Variants in CDC25A observed in about 807,000 individuals in gnomAD.
CDC25A encodes cell division cycle 25A.
A neutral mutation model predicts 64.6 loss-of-function variants in CDC25A; 17 were observed. That is an observed-to-expected ratio of 0.26 (90% CI 0.18 to 0.39). The LOEUF (loss-of-function observed/expected upper bound fraction) is 0.39, where lower values mean the gene tolerates loss of function less well. Ranked by LOEUF, CDC25A falls within the 10% of genes least tolerant of loss-of-function variation. CDC25A has a pLI of 1.00. For synonymous variants in CDC25A, 229 were observed against 238.6 expected (o/e 0.96, Z 0.37); for missense variants, 473 against 654.8 (o/e 0.72, Z 3.03).
chr3:48,181,779 A>G, intron 5 of CDC25A: 2 of 633,428 alleles, frequency 3.2e-6, no homozygotes, highest in Non-Finnish European at 5.7e-6. Context: ...GAGAAATAAA[A>G]CCATGAAGAA....
chr3:48,166,795 T>C (rs577020233), intron 10 of CDC25A, among the ~76,000 whole-genome samples: 4 of 152,288 alleles, frequency 2.6e-5, no homozygotes, highest in African/African-American at 4.8e-5. Flanking sequence ...TCCCAGCTAC[T>C]TGGGAGGCTG....
rs746808606 is a variant in CDC25A, at chr3:48,165,633, T to C, written c.1191+3A>G. The C allele has an allele frequency of 2.8e-5, 45 of 1,602,252 alleles. No individual in the cohort carries two copies. Among genetic ancestry groups the C allele is most frequent in the Non-Finnish European group, 3.8e-5 (44 of 1,169,406 alleles). On this transcript the variant is annotated splice_donor_region_variant and intron_variant, in intron 12 of 14. Coordinates refer to ENST00000302506, the MANE Select transcript of CDC25A (RefSeq NM_001789.3). ...TTCTACAGCAAGTCTCAGGAATCCA[T>C]ACCTTGATGTGGCCTCCCTCGTATT...
At chr3:48,176,737 G>A (rs1286713904) in intron 8 of CDC25A, among the ~76,000 whole-genome samples, 4 of 151,580 alleles carry the variant, frequency 2.6e-5, no homozygotes, top group Admixed American at 6.6e-5. Context: ...TTGGGAGGTC[G>A]AGGTGGGCAG....
At chr3:48,167,033 G>T (rs147735064) in intron 10 of CDC25A, among the ~76,000 whole-genome samples, 1 of 152,048 alleles carries the variant, frequency 6.6e-6, no homozygotes, top group Non-Finnish European at 1.5e-5. Context: ...CCCAACCCCA[G>T]ACGTTCCCCA....
At chr3:48,180,140 C>A (rs2032608480) in intron 6 of CDC25A, among the ~76,000 whole-genome samples, 1 of 152,092 alleles carries the variant, frequency 6.6e-6, no homozygotes, top group Non-Finnish European at 1.5e-5. Context: ...TCTCACTATG[C>A]TGCCCAGGAC....
chr3:48,181,786 A>G, intron 5 of CDC25A: 1 of 621,718 alleles, frequency 1.6e-6, no homozygotes, highest in Non-Finnish European at 2.9e-6. Flanking sequence ...AAAACCATGA[A>G]GAATCAAAAA....
At chr3:48,179,619 G>A (rs3731510) in intron 6 of CDC25A, among the ~76,000 whole-genome samples, 36,757 of 151,842 alleles carry the variant, frequency 0.24, 4,892 homozygotes, top group East Asian at 0.44. Context: ...CTCCCACCTC[G>A]GCCTCCCAAA....
rs201435339 is a variant in CDC25A, at chr3:48,177,893, A to G, written c.645T>C (p.Asp215=). 5.6e-6 allele frequency: 9 copies of G among 1,614,000 alleles called. No individual in the cohort carries two copies. In the South Asian group the frequency reaches 9.9e-5, roughly 18 times the overall value. ...SPVTATLSDE[D]DGFVDLLDGE... is the part of the protein sequence containing the mutation. ...CATCGAGAAGGTCCACGAAGCCATC[A>G]TCCTCATCAGACAAAGTGGCTGTCA... Residue 215 remains aspartate, a synonymous_variant, in exon 7 of 15, where the codon GAT becomes GAC. Coordinates refer to ENST00000302506, the MANE Select transcript of CDC25A (RefSeq NM_001789.3).
At chr3:48,176,558 T>TATATATATAA (rs1491490773) in intron 8 of CDC25A, among the ~76,000 whole-genome samples, 2 of 134,666 alleles carry the variant, frequency 1.5e-5, no homozygotes, top group African/African-American at 2.7e-5. Flanking sequence ...TATATATATA[T>TATATATATAA]AAAATATATA....
chr3:48,174,491 C>T, intron 8 of CDC25A, 34 bp from the exon 9 acceptor site: 1 of 1,583,900 alleles, frequency 6.3e-7, no homozygotes, highest in Non-Finnish European at 8.6e-7. Flanking sequence ...ACCCATCTTT[C>T]ATTAAAACCT....
intron 12 of CDC25A, among the ~76,000 whole-genome samples, chr3:48,165,305 T>G (rs2031959537): frequency 6.6e-6 from 1 of 151,938 alleles, no homozygotes; most frequent in South Asian, 2.1e-4. Context: ...GCTCAGACAT[T>G]GGTACCCAAG....
rs189535744 is a variant in CDC25A, at chr3:48,173,798, C to T, written c.930+486G>A. Among the ~76,000 whole-genome samples, 299 of 152,254 alleles carry T rather than the reference C, an allele frequency of 2.0e-3. 3 individuals carry two copies. Among genetic ancestry groups the T allele is most frequent in the African/African-American group, 6.7e-3 (277 of 41,544 alleles). On this transcript the variant is annotated intron_variant, in intron 9 of 14. Transcript: ENST00000302506. ...CATAGACCGGAGACTCACAAATATA[C>T]AGGAGACAATGGAAGAATCACCGGT...
At chr3:48,178,077 T>C in intron 6 of CDC25A, 89 bp from the exon 7 acceptor site, 3 of 1,286,772 alleles carry the variant, frequency 2.3e-6, no homozygotes, top group East Asian at 2.3e-5. Flanking sequence ...GATGAAAACA[T>C]ACTATGTTAT....
At chr3:48,159,253 C>G in intron 14 of CDC25A, 91 bp downstream of exon 14, 1 of 1,291,146 alleles carries the variant, frequency 7.7e-7, no homozygotes, top group Non-Finnish European at 1.1e-6. Context: ...TCCCCCGACC[C>G]CTGGAAAGAA....
At chr3:48,163,283 CAAA>C (rs753999679) in intron 13 of CDC25A, among the ~76,000 whole-genome samples, 64 of 90,290 alleles carry the variant, frequency 7.1e-4, no homozygotes, top group African/African-American at 1.7e-3. Flanking sequence ...GCCTCCGCCT[CAAA>C]AAAAAAAAAA....
intron 8 of CDC25A, 193 bp from the exon 9 acceptor site, chr3:48,174,650 T>C: frequency 1.9e-6 from 1 of 537,978 alleles, no homozygotes; most frequent in South Asian, 2.6e-5. Context: ...CACTTAGTGC[T>C]CAATGAATAT....
intron 13 of CDC25A, among the ~76,000 whole-genome samples, chr3:48,160,750 A>C (rs1241479770): frequency 6.6e-6 from 1 of 152,116 alleles, no homozygotes; most frequent in Non-Finnish European, 1.5e-5. Context: ...AGCCAAGAGT[A>C]TCTGCTGATT....
At chr3:48,171,354 A>C (rs964611278) in intron 9 of CDC25A, among the ~76,000 whole-genome samples, 2 of 151,650 alleles carry the variant, frequency 1.3e-5, no homozygotes, top group Admixed American at 6.6e-5. Context: ...AGCGTGTCTC[A>C]AAAAGAAAGA....
chr3:48,174,405 C>G lies in CDC25A; in HGVS notation c.809G>C (p.Arg270Pro), dbSNP rs892713120. 1.2e-6 allele frequency: 2 copies of G among 1,614,004 alleles called. No homozygotes were observed. Among genetic ancestry groups the G allele is most frequent in the East Asian group, 4.5e-5 (2 of 44,850 alleles). Residue 270 changes from arginine (R) to proline (P), a missense_variant, in exon 9 of 15, where the codon CGG becomes CCG. Arg to Pro is a moderately radical substitution (Grantham distance 103). Around this residue, in one of 2 missense-constraint regions of CDC25A, gnomAD observed 376 missense variants for 431.9 expected, o/e 0.87. Coordinates refer to ENST00000302506, the MANE Select transcript of CDC25A (RefSeq NM_001789.3). ...DSPSLCSSST[R>P]SVLKRPERSQ... Reference sequence around the variant, plus strand: ...TCGTTCTGGTCTCTTCAACACTGACCGAGTGCTGGAGCTACACAGGGAAGG... The same window carrying G: ...TCGTTCTGGTCTCTTCAACACTGACGGAGTGCTGGAGCTACACAGGGAAGG...
Sources: gnomAD v4.1 joint callset for allele counts (sites outside exome capture counted in the v4.1 genomes callset) on GRCh38, gnomAD v4.1.1 for gene constraint, gnomAD v4.1.1 regional missense constraint, MANE v1.5 for transcripts, NCBI Gene and HGNC (gene_info 2026-07-23, HGNC 2026-07-21) for gene names.